The following GABRR1 variants were observed in gnomAD, a reference collection of about 807,000 sequenced individuals.
GABRR1 encodes gamma-aminobutyric acid type A receptor subunit rho1, also known as gamma-aminobutyric acid receptor subunit rho-1.
In GABRR1, 59 loss-of-function variants were observed where a neutral mutation model predicts 55.5. The observed-to-expected ratio is 1.06, with a 90% CI of 0.86 to 1.32. The LOEUF (loss-of-function observed/expected upper bound fraction) is 1.32. GABRR1 is among the 40% of genes most tolerant of loss of function. The pLI, the probability that GABRR1 is intolerant of heterozygous loss-of-function variation, is 0.00. For missense variants in GABRR1, 602 were observed against 619.1 expected (o/e 0.97, Z 0.29); for synonymous variants, 213 against 226.0 (o/e 0.94, Z 0.51).
chr6:89,218,416 G>T (rs1007207869), upstream of GABRR1, among the ~76,000 whole-genome samples: 1 of 151,654 alleles, frequency 6.6e-6, no homozygotes. Flanking sequence ...ATCGTAAGAA[G>T]CCTTTTCTTT....
At chr6:89,186,919 C>A (rs1242083586) in intron 6 of GABRR1, among the ~76,000 whole-genome samples, 2 of 152,232 alleles carry the variant, frequency 1.3e-5, no homozygotes, top group African/African-American at 2.4e-5. Context: ...TGTCCCTGCA[C>A]TCCTTGGTCC....
At chr6:89,225,954 A>T (rs1321415196) in intron 1 of GABRR1, among the ~76,000 whole-genome samples, 1 of 149,492 alleles carries the variant, frequency 6.7e-6, no homozygotes, top group African/African-American at 2.5e-5. Flanking sequence ...AATGATTGCC[A>T]TTCTAACTGG....
intron 1 of GABRR1, among the ~76,000 whole-genome samples, chr6:89,206,830 C>G (rs1293633259): frequency 6.6e-6 from 1 of 151,964 alleles, no homozygotes; most frequent in Non-Finnish European, 1.5e-5. Flanking sequence ...GTTGCCCAAG[C>G]TGGTCTCCAA....
intron 1 of GABRR1, among the ~76,000 whole-genome samples, chr6:89,214,861 GA>G (rs890422014): frequency 2.6e-4 from 40 of 151,904 alleles, no homozygotes; most frequent in Admixed American, 1.8e-3. Flanking sequence ...CCTGTCTATA[GA>G]AAAAAAAATT....
intron 3 of GABRR1, among the ~76,000 whole-genome samples, chr6:89,200,696 C>T (rs1056608927): frequency 3.9e-5 from 6 of 152,064 alleles, no homozygotes; most frequent in African/African-American, 1.5e-4. Context: ...TTCTTCTGCA[C>T]TAAATCATTA....
chr6:89,183,318 T>G (rs544000801), intron 7 of GABRR1, among the ~76,000 whole-genome samples: 1 of 152,318 alleles, frequency 6.6e-6, no homozygotes, highest in South Asian at 2.1e-4. Flanking sequence ...GCAGAGGGAC[T>G]GTCAGAATGC....
chr6:89,189,419 C>T (rs942128619), intron 6 of GABRR1, among the ~76,000 whole-genome samples: 9 of 140,928 alleles, frequency 6.4e-5, no homozygotes, highest in African/African-American at 2.4e-4. Context: ...GAACAAAAAA[C>T]CAAACACCGC....
At chr6:89,179,152 C>A in intron 9 of GABRR1, 89 bp from the exon 10 acceptor site, 1 of 1,300,068 alleles carries the variant, frequency 7.7e-7, no homozygotes. Context: ...AGGGTGTTGC[C>A]TGGTTTCTGG....
chr6:89,228,917 C>A (rs200843787), intron 1 of GABRR1, among the ~76,000 whole-genome samples: 3 of 149,028 alleles, frequency 2.0e-5, no homozygotes, highest in Non-Finnish European at 4.5e-5. Flanking sequence ...GTAGGTCACT[C>A]AGGACTTGCT....
At chr6:89,195,216 T>C (rs749474505) in intron 5 of GABRR1, among the ~76,000 whole-genome samples, 3 of 151,832 alleles carry the variant, frequency 2.0e-5, no homozygotes, top group Non-Finnish European at 4.4e-5. Flanking sequence ...ATCCTAGCAC[T>C]TTAGGAGGCT....
intron 5 of GABRR1, among the ~76,000 whole-genome samples, chr6:89,191,812 G>T (rs1028841363): frequency 6.6e-6 from 1 of 152,072 alleles, no homozygotes; most frequent in Non-Finnish European, 1.5e-5. Flanking sequence ...TAAGAGTTTT[G>T]GTCTGAGGTA....
chr6:89,223,437 T>A (rs1433562192), intron 1 of GABRR1, among the ~76,000 whole-genome samples: 1 of 152,242 alleles, frequency 6.6e-6, no homozygotes, highest in Non-Finnish European at 1.5e-5. Flanking sequence ...GGTTTCTTTA[T>A]CCACTCGTTG....
chr6:89,206,629 T>C (rs896743970), intron 1 of GABRR1, among the ~76,000 whole-genome samples: 2 of 152,058 alleles, frequency 1.3e-5, no homozygotes, highest in Non-Finnish European at 2.9e-5. Flanking sequence ...TTTTTTTTTT[T>C]TTTGAAACAA....
chr6:89,221,102 T>C (rs754105653), upstream of GABRR1, among the ~76,000 whole-genome samples: 15 of 152,186 alleles, frequency 9.9e-5, no homozygotes, highest in Non-Finnish European at 2.1e-4. Flanking sequence ...TCCTTTTTAT[T>C]CCTCAGCCAT....
rs114476567 is a variant in GABRR1, at chr6:89,193,933, A to G, written c.573-3686T>C. On this transcript the variant is annotated intron_variant, in intron 5 of 9. Transcript: ENST00000454853. ...CTCTCTCCCATTCTATTTGCCACCA[A>G]ATGCATGGAAAATCTCCCCCCAACT... Among the ~76,000 whole-genome samples, 695 of 152,170 alleles carry G rather than the reference A, an allele frequency of 4.6e-3. 7 individuals are homozygous for G. Among genetic ancestry groups the G allele is most frequent in the African/African-American group, 0.016 (661 of 41,498 alleles).
chr6:89,179,097 T>G lies in GABRR1; in HGVS notation c.1147-34A>C, dbSNP rs760382632. 8.1e-6 allele frequency: 13 copies of G among 1,596,278 alleles called. No homozygotes were observed. In the Admixed American group the frequency reaches 2.2e-4, roughly 27 times the overall value. On this transcript the variant is annotated intron_variant, in intron 9 of 9. Transcript: ENST00000454853. ...AGTAAACACATGTTGGGGTGTGAGC[T>G]CAGCATCATCTCTCAGAAGCCCTTC...
At chr6:89,223,636 A>G (rs1773146817) in intron 1 of GABRR1, among the ~76,000 whole-genome samples, 1 of 151,558 alleles carries the variant, frequency 6.6e-6, no homozygotes, top group Admixed American at 6.6e-5. Context: ...ACTGTTTTCC[A>G]TAGTGGTTGT....
At chr6:89,180,140 C>T in intron 9 of GABRR1, 152 bp downstream of exon 9, 2 of 810,650 alleles carry the variant, frequency 2.5e-6, no homozygotes, top group Middle Eastern at 2.5e-4. Flanking sequence ...TGAAATACAC[C>T]AATTTGTTTG....
At chr6:89,225,353 C>T (rs376544326) in intron 1 of GABRR1, among the ~76,000 whole-genome samples, 14 of 138,354 alleles carry the variant, frequency 1.0e-4, no homozygotes, top group Admixed American at 2.9e-4. Flanking sequence ...CATGCTGGTG[C>T]GCTGCACCCA....
Sources: allele counts gnomAD v4.1 joint callset (sites outside exome capture counted in the v4.1 genomes callset), GRCh38; gene constraint gnomAD v4.1.1; transcripts MANE v1.5; gene names NCBI Gene and HGNC (gene_info 2026-07-23, HGNC 2026-07-21).